Variants in FPGT observed in about 807,000 individuals in gnomAD.
FPGT encodes the protein fucose-1-phosphate guanylyltransferase.
FPGT carries 41 observed loss-of-function variants against 45.8 expected under a neutral mutation model. That is an observed-to-expected ratio of 0.90 (90% CI 0.70 to 1.16). The LOEUF (loss-of-function observed/expected upper bound fraction) is 1.16, where lower values mean the gene tolerates loss of function less well. Ranked by LOEUF, FPGT falls within the 50% of genes most tolerant of loss-of-function variation. FPGT has a pLI of 0.00. For missense variants in FPGT, 755 were observed against 689.1 expected (o/e 1.10, Z -1.07); for synonymous variants, 292 against 247.2 (o/e 1.18, Z -1.70).
In FPGT at chr1:74,207,697, A is replaced by G. The variant is rs1285411741; in HGVS notation, c.*1865A>G. On this transcript the variant is annotated 3_prime_UTR_variant, in exon 4 of 4. Transcript: ENST00000370898. The stretch of plus-strand genomic sequence containing the variant: ...TCAATATGAAAATTAATTGTTTGGT[A>G]AACCAGAAGTGACCTGTCTGAAGCC... Among the ~76,000 whole-genome samples the G allele has an allele frequency of 6.6e-6, 1 of 152,062 alleles. No homozygotes were observed. The highest frequency in any genetic ancestry group is 1.5e-5 in the Non-Finnish European group (1 of 67,952).
intron 3 of FPGT, among the ~76,000 whole-genome samples, chr1:74,203,604 G>T (rs966592935): frequency 6.6e-6 from 1 of 151,890 alleles, no homozygotes; most frequent in African/African-American, 2.4e-5. Flanking sequence ...TGTTAGCCAG[G>T]ATGGTCTGGA....
In FPGT at chr1:74,206,709, A is replaced by T. The variant is rs940442164; in HGVS notation, c.*877A>T. ...CACATGCTGGTGATGCTGAGAAACA[A>T]TAATTGGCCCAAATGCAGACATCAA... On this transcript the variant is annotated 3_prime_UTR_variant, in exon 4 of 4. Coordinates refer to ENST00000370898, the MANE Select transcript of FPGT (RefSeq NM_003838.5). The T allele has an allele frequency of 3.3e-5, 5 of 152,118 alleles. No homozygotes were observed. The highest frequency in any genetic ancestry group is 1.2e-4 in the African/African-American group (5 of 41,448). The allele number at this position is 152,118 out of a possible 1,614,324, so 9.4% of individuals were successfully genotyped here. A position where few individuals can be genotyped will look rare whatever the true frequency, so the allele number is the denominator to read the frequency against.
In FPGT at chr1:74,207,095, G is replaced by A. The variant is rs2100782716; in HGVS notation, c.*1263G>A. The A allele has an allele frequency of 6.6e-6, 1 of 151,914 alleles. No individual in the cohort carries two copies. The highest frequency in any genetic ancestry group is 2.4e-5 in the African/African-American group (1 of 41,476). The allele number at this position is 151,914 out of a possible 1,614,324, so 9.4% of individuals were successfully genotyped here. ...TGATTTACTTGCAGATTTTTCAGAG[G>A]ATGTTATGTCTTTGTCATTCATTAA... On this transcript the variant is annotated 3_prime_UTR_variant, in exon 4 of 4. Coordinates refer to ENST00000370898, the MANE Select transcript of FPGT (RefSeq NM_003838.5).
Position 74,199,863 on chromosome 1 carries a change from G to C in FPGT, c.250+32G>C, listed in dbSNP as rs748259400. On this transcript the variant is annotated intron_variant, in intron 2 of 3. Coordinates refer to ENST00000370898, the MANE Select transcript of FPGT (RefSeq NM_003838.5). ...GCTTTATGGTCAGTTTTATAATATA[G>C]GTCCTAAGCAGAATAATCATTGAAG... The C allele has an allele frequency of 2.5e-6, 4 of 1,594,798 alleles. No individual in the cohort carries two copies. In the Admixed American group the frequency reaches 7.2e-5, roughly 29 times the overall value.
rs1198877921 is a variant in FPGT at position 74,206,253 on chromosome 1, T to C, written c.*421T>C. On this transcript the variant is annotated 3_prime_UTR_variant, in exon 4 of 4. Transcript: ENST00000370898. ...ATAAAAATGGCATACTGTAGGGTCT[T>C]CAGAGTAGTGTAGGAATACTGTAGA... 1 of 155,346 alleles carries C rather than the reference T, an allele frequency of 6.4e-6. No homozygotes were observed. Among genetic ancestry groups the C allele is most frequent in the African/African-American group, 2.4e-5 (1 of 41,470 alleles). The allele number at this position is 155,346 out of a possible 1,614,324, so 9.6% of individuals were successfully genotyped here. A position where few individuals can be genotyped will look rare whatever the true frequency, so the allele number is the denominator to read the frequency against.
rs1399759730 is a variant in FPGT, at chr1:74,205,363, C to T, written c.1316C>T (p.Ser439Phe). ...SVGENCIISG[S>F]YILTKAALPA... ...GGGGAAAACTGCATTATTAGTGGTT[C>T]TTACATCCTAACAAAAGCTGCCCTC... Residue 439 changes from serine to phenylalanine, a missense_variant, in exon 4 of 4, where the codon TCT becomes TTT. Ser to Phe is a radical substitution (Grantham distance 155, BLOSUM62 -2). Coordinates refer to ENST00000370898, the MANE Select transcript of FPGT (RefSeq NM_003838.5). 1.9e-6 allele frequency: 3 copies of T among 1,614,094 alleles called. No homozygotes were observed. The highest frequency in any genetic ancestry group is 2.5e-6 in the Non-Finnish European group (3 of 1,179,964).
At position 74,205,350 on chromosome 1, in the gene FPGT, A is replaced by G. The variant is rs144687898; in HGVS notation, c.1303A>G (p.Ile435Val). ...TGATGTTTCAGTTGGGGAAAACTGC[A>G]TTATTAGTGGTTCTTACATCCTAAC... is the stretch of plus-strand genomic sequence containing the variant. The part of the protein sequence containing the change: ...GPDVSVGENC[I>V]ISGSYILTKA... The change falls in exon 4 of 4, where the codon ATT (isoleucine) becomes GTT (valine). Residue 435 changes from isoleucine (I) to valine (V), a missense_variant. Transcript: ENST00000370898. The G allele has an allele frequency of 2.4e-5, 38 of 1,614,144 alleles. No homozygotes were observed. Among genetic ancestry groups the G allele is most frequent in the Non-Finnish European group, 3.1e-5 (36 of 1,180,000 alleles).
chr1:74,208,114 A>G lies in FPGT; in HGVS notation c.*2282A>G, dbSNP rs1011414121. Among the ~76,000 whole-genome samples the G allele has an allele frequency of 2.0e-5, 3 of 151,932 alleles. No homozygotes were observed. The highest frequency in any genetic ancestry group is 4.4e-5 in the Non-Finnish European group (3 of 67,942). ...GACTATTGCTGCCTGGCTAATAGCT[A>G]TTATACTATCATTTGTAAGGCACAT... On this transcript the variant is annotated 3_prime_UTR_variant, in exon 4 of 4. Transcript: ENST00000370898.
In FPGT at chr1:74,205,599, A is replaced by G. The variant is rs140349152; in HGVS notation, c.1552A>G (p.Thr518Ala). ...AGAGGAACTGTTCTCTGGTAACAAG[A>G]CATGTCTGAGTTTGTGGACTGCACG... ...VTEELFSGNK[T>A]CLSLWTARIF... The change falls in exon 4 of 4, where the codon ACA becomes GCA. Residue 518 changes from threonine to alanine, a missense_variant. Physicochemically the swap from Thr to Ala is moderately conservative, Grantham distance 58 (BLOSUM62 0). Transcript: ENST00000370898. 2.2e-3 allele frequency: 3,471 copies of G among 1,613,580 alleles called. 5 individuals are homozygous for G. Among genetic ancestry groups the G allele is most frequent in the Non-Finnish European group, 2.3e-3 (2,736 of 1,179,522 alleles).
At chr1:74,199,992 G>A in intron 2 of FPGT, 161 bp downstream of exon 2, 1 of 839,786 alleles carries the variant, frequency 1.2e-6, no homozygotes. Context: ...AAAGATAAAA[G>A]GAATAGCAAC....
chr1:74,205,731 C>T lies in FPGT; in HGVS notation c.1684C>T (p.Leu562=), dbSNP rs748331899. The T allele has an allele frequency of 3.7e-6, 6 of 1,605,330 alleles. No individual in the cohort carries two copies. The highest frequency in any genetic ancestry group is 4.3e-6 in the Non-Finnish European group (5 of 1,172,078). ...ATTCAGCCTGAATAGCTATAAGTTG[C>T]TGTCCATTGAAGAAATGCTTATCTA... The part of the protein sequence containing the change: ...SAFSLNSYKL[L]SIEEMLIYKD... The change falls in exon 4 of 4, where the codon CTG becomes TTG. Residue 562 remains leucine, a synonymous_variant. Coordinates refer to ENST00000370898, the MANE Select transcript of FPGT (RefSeq NM_003838.5).
chr1:74,199,881 C>T (rs537311556), intron 2 of FPGT, 50 bp downstream of exon 2: 138 of 1,570,296 alleles, frequency 8.8e-5, no homozygotes, highest in South Asian at 5.2e-4. Flanking sequence ...GCAGAATAAT[C>T]ATTGAAGAAA....
chr1:74,199,788 A>T lies in FPGT; in HGVS notation c.207A>T (p.Gly69=), dbSNP rs377237678. The T allele has an allele frequency of 5.0e-6, 8 of 1,613,992 alleles. No individual in the cohort carries two copies. In the African/African-American group the frequency reaches 9.3e-5, roughly 19 times the overall value. ...EKLKRKELPL[G]VQYHVFVDPA... ...TGAAAAGAAAGGAGTTACCCCTTGG[A>T]GTTCAATATCACGTTTTTGTGGATC... is the stretch of plus-strand genomic sequence containing the variant. Residue 69 remains glycine (G), a synonymous_variant, in exon 2 of 4, where the codon GGA becomes GGT. Transcript: ENST00000370898.
Position 74,206,200 on chromosome 1 carries a change from C to T in FPGT, c.*368C>T, listed in dbSNP as rs2100780963. 6.0e-6 allele frequency: 1 copy of T among 166,072 alleles called. No homozygotes were observed. Among genetic ancestry groups the T allele is most frequent in the Admixed American group, 6.3e-5 (1 of 15,940 alleles). The allele number at this position is 166,072 out of a possible 1,614,324, so 10.3% of individuals were successfully genotyped here. A position where few individuals can be genotyped will look rare whatever the true frequency, so the allele number is the denominator to read the frequency against. On this transcript the variant is annotated 3_prime_UTR_variant, in exon 4 of 4. Coordinates refer to ENST00000370898, the MANE Select transcript of FPGT (RefSeq NM_003838.5). ...GTTCTAAGTATTCACTGGCACTTCT[C>T]TCCTCAACTGTAATTCTATTTTTAA... is the stretch of plus-strand genomic sequence containing the variant.
rs528702170 is a variant in FPGT at position 74,207,214 on chromosome 1, A to G, written c.*1382A>G. 4 of 152,278 alleles carry G rather than the reference A, an allele frequency of 2.6e-5. No individual in the cohort carries two copies. The highest frequency in any genetic ancestry group is 9.6e-5 in the African/African-American group (4 of 41,578). The allele number at this position is 152,278 out of a possible 1,614,324, so 9.4% of individuals were successfully genotyped here. A position where few individuals can be genotyped will look rare whatever the true frequency, so the allele number is the denominator to read the frequency against. On this transcript the variant is annotated 3_prime_UTR_variant, in exon 4 of 4. Coordinates refer to ENST00000370898, the MANE Select transcript of FPGT (RefSeq NM_003838.5). The stretch of plus-strand genomic sequence containing the variant: ...TCCATTAAGAAAAACACAATAAAAC[A>G]TGACACTGCTTTTTTTGTTACTTGA...
intron 3 of FPGT, 85 bp downstream of exon 3, chr1:74,201,495 C>T (rs1651796916): frequency 1.0e-5 from 8 of 781,472 alleles, no homozygotes; most frequent in Non-Finnish European, 1.6e-5. Context: ...CTTGCAAACA[C>T]TTTCCTTCTT....
chr1:74,198,443 C>G, intron 1 of FPGT, 83 bp downstream of exon 1: 1 of 1,564,334 alleles, frequency 6.4e-7, no homozygotes, highest in Non-Finnish European at 8.7e-7. Context: ...TGGACTGTCA[C>G]TTCCCGTTTA....
Position 74,205,590 on chromosome 1 carries a change from G to C in FPGT, c.1543G>C (p.Gly515Arg). 6.2e-7 allele frequency: 1 copy of C among 1,613,574 alleles called. No individual in the cohort carries two copies. The highest frequency in any genetic ancestry group is 8.5e-7 in the Non-Finnish European group (1 of 1,179,548). ...TAAAGTTACAGAGGAACTGTTCTCTGGTAACAAGACATGTCTGAGTTTGTG... is the reference window on the plus strand; with the variant it reads ...TAAAGTTACAGAGGAACTGTTCTCTCGTAACAAGACATGTCTGAGTTTGTG... ...NLKVTEELFSGNKTCLSLWTA... is the reference protein window; with the variant it reads ...NLKVTEELFSRNKTCLSLWTA... Residue 515 changes from glycine (G) to arginine (R), a missense_variant, in exon 4 of 4, where the codon GGT becomes CGT. By Grantham distance (125) the Gly-to-Arg change is moderately radical (BLOSUM62 -2). Transcript: ENST00000370898.
At position 74,207,223 on chromosome 1, in the gene FPGT, CTTTT is replaced by C. The variant is rs1230170810; in HGVS notation, c.*1395_*1398del. ...AAAAACACAATAAAACATGACACTG[CTTTT>C]TTTGTTACTTGAAATTTTCATATTT... On this transcript the variant is annotated 3_prime_UTR_variant, in exon 4 of 4. Coordinates refer to ENST00000370898, the MANE Select transcript of FPGT (RefSeq NM_003838.5). The C allele has an allele frequency of 5.3e-5, 8 of 151,880 alleles. No individual in the cohort carries two copies. The highest frequency in any genetic ancestry group is 5.9e-5 in the Non-Finnish European group (4 of 67,920). 9.4% of individuals were successfully genotyped at this position (151,880 alleles called of 1,614,324 possible). A position where few individuals can be genotyped will look rare whatever the true frequency, so the allele number is the denominator to read the frequency against.
Sources: allele counts gnomAD v4.1 joint callset (sites outside exome capture counted in the v4.1 genomes callset), GRCh38; gene constraint gnomAD v4.1.1; transcripts MANE v1.5; gene names NCBI Gene and HGNC (gene_info 2026-07-23, HGNC 2026-07-21).